Variants in MEI4 observed in about 807,000 individuals in gnomAD.
The protein encoded by MEI4 is meiotic double-stranded break formation protein 4.
In MEI4, 27 loss-of-function variants were observed where a neutral mutation model predicts 31.4. The ratio of observed to expected loss-of-function variants is 0.86; its 90% confidence interval spans 0.63 to 1.19. The LOEUF is 1.19. Among genes scored for constraint, MEI4 ranks in the 50% most tolerant of loss-of-function variants. MEI4 has a pLI of 0.00. For synonymous variants in MEI4, 122 were observed against 145.4 expected, an observed-to-expected ratio of 0.84 and a Z score of 1.16; for missense variants, 329 against 398.9, an observed-to-expected ratio of 0.82 and a Z score of 1.49.
intron 4 of MEI4, among the ~76,000 whole-genome samples, chr6:77,894,395 A>T (rs9443485): frequency 0.39 from 58,902 of 150,462 alleles, 12,494 homozygotes; most frequent in African/African-American, 0.58. Flanking sequence ...ATTTTTTTTT[A>T]AAAAAAAGAA....
chr6:77,749,485 T>C (rs1331296153), intron 2 of MEI4, among the ~76,000 whole-genome samples: 1 of 152,016 alleles, frequency 6.6e-6, no homozygotes, highest in African/African-American at 2.4e-5. Context: ...CAAGTATCAA[T>C]AGCTGAATCG....
chr6:77,861,796 A>G (rs183187961), intron 4 of MEI4, among the ~76,000 whole-genome samples: 15 of 152,316 alleles, frequency 9.8e-5, no homozygotes, highest in Admixed American at 7.8e-4. Flanking sequence ...GATGTAGTAC[A>G]TATGAAGTGC....
At chr6:77,735,986 C>G (rs1349952202) in intron 2 of MEI4, among the ~76,000 whole-genome samples, 1 of 152,054 alleles carries the variant, frequency 6.6e-6, no homozygotes, top group Non-Finnish European at 1.5e-5. Flanking sequence ...AGGCAGTCTG[C>G]CCGTTCTCAG....
chr6:77,798,533 G>A (rs1769147911), intron 3 of MEI4, among the ~76,000 whole-genome samples: 1 of 151,568 alleles, frequency 6.6e-6, no homozygotes, highest in Non-Finnish European at 1.5e-5. Context: ...GGGTACATGT[G>A]CACATTGTGA....
chr6:77,791,923 T>C (rs893820939), intron 3 of MEI4, among the ~76,000 whole-genome samples: 1 of 152,188 alleles, frequency 6.6e-6, no homozygotes, highest in Non-Finnish European at 1.5e-5. Context: ...TGATCATCCT[T>C]TGACCAACAC....
chr6:77,867,113 T>C (rs1020882853), intron 4 of MEI4, among the ~76,000 whole-genome samples: 1 of 152,092 alleles, frequency 6.6e-6, no homozygotes, highest in African/African-American at 2.4e-5. Flanking sequence ...CCTAAAACCA[T>C]AAAAACCCTA....
intron 4 of MEI4, among the ~76,000 whole-genome samples, chr6:77,870,497 C>G (rs1309477547): frequency 6.6e-6 from 1 of 152,156 alleles, no homozygotes; most frequent in Non-Finnish European, 1.5e-5. Flanking sequence ...CTGAATGTCA[C>G]TTTACTTTGT....
rs1384224934 is a variant in MEI4, at chr6:77,924,774, C to G, written c.*1428C>G. Reference sequence around the variant, plus strand: ...GAAATGTCACATTAGCACTTCCATCCACATGCATTGTCAAAGTACATCAAA... The same window carrying G: ...GAAATGTCACATTAGCACTTCCATCGACATGCATTGTCAAAGTACATCAAA... On this transcript the variant is annotated 3_prime_UTR_variant, in exon 5 of 5. Coordinates refer to ENST00000684080, the MANE Select transcript of MEI4 (RefSeq NM_001322247.2). 1 of 151,784 alleles carries G rather than the reference C, an allele frequency of 6.6e-6. No individual in the cohort carries two copies. The highest frequency in any genetic ancestry group is 1.5e-5 in the Non-Finnish European group (1 of 67,886). The allele number at this position is 151,784 out of a possible 1,614,324, so 9.4% of individuals were successfully genotyped here.
At chr6:77,881,618 C>T (rs1771492130) in intron 4 of MEI4, among the ~76,000 whole-genome samples, 1 of 152,026 alleles carries the variant, frequency 6.6e-6, no homozygotes, top group Non-Finnish European at 1.5e-5. Context: ...TTTGAATGTG[C>T]TCCTCATCTG....
rs962403728 is a variant in MEI4 at position 77,802,877 on chromosome 6, C to T, written c.769-26054C>T. ...GATGGGCTTCCTTTTGTGGTTAACC[C>T]GACCTTTCTCTCTGGCTGCCCTTAA... On this transcript the variant is annotated intron_variant, in intron 3 of 4. Transcript: ENST00000684080. Among the ~76,000 whole-genome samples the T allele has an allele frequency of 4.6e-5, 7 of 152,272 alleles. No individual in the cohort carries two copies. The South Asian group carries it at 6.2e-4, about 14-fold the overall frequency.
chr6:77,741,323 G>T (rs1424196113), intron 2 of MEI4, among the ~76,000 whole-genome samples: 1 of 152,192 alleles, frequency 6.6e-6, no homozygotes, highest in Non-Finnish European at 1.5e-5. Flanking sequence ...TGGGTAGCCT[G>T]TGGGAGATTT....
chr6:77,865,421 C>A (rs997673880), intron 4 of MEI4, among the ~76,000 whole-genome samples: 1 of 152,164 alleles, frequency 6.6e-6, no homozygotes, highest in Non-Finnish European at 1.5e-5. Context: ...CACAGAAATT[C>A]AAACTACCAT....
At chr6:77,693,636 T>C (rs3846759) in intron 2 of MEI4, among the ~76,000 whole-genome samples, 42,620 of 151,812 alleles carry the variant, frequency 0.28, 6,758 homozygotes, top group South Asian at 0.39. Context: ...TACCTTAAAC[T>C]TCAAAAATGA....
Position 77,742,909 on chromosome 6 carries a change from T to A in MEI4, c.233-18221T>A, listed in dbSNP as rs1285231927. Among the ~76,000 whole-genome samples the A allele has an allele frequency of 2.0e-5, 3 of 152,116 alleles. No homozygotes were observed. The South Asian group carries it at 6.2e-4, about 32-fold the overall frequency. On this transcript the variant is annotated intron_variant, in intron 2 of 4. Transcript: ENST00000684080. ...TCCCCATTGCTTGTTTTTCACAGGT[T>A]TGTCAAAGATTAGATAGTTGTAGAT...
chr6:77,750,026 A>C (rs1767727198), intron 2 of MEI4, among the ~76,000 whole-genome samples: 1 of 152,238 alleles, frequency 6.6e-6, no homozygotes, highest in Non-Finnish European at 1.5e-5. Flanking sequence ...ACTGAGCTTC[A>C]TAAGCGAAGG....
intron 4 of MEI4, among the ~76,000 whole-genome samples, chr6:77,876,826 A>G (rs1433675604): frequency 6.6e-6 from 1 of 152,208 alleles, no homozygotes; most frequent in Admixed American, 6.5e-5. Context: ...GCAAAGTACC[A>G]TAGTAACTCC....
rs71546073 is a variant in MEI4, at chr6:77,831,507, T to TTATA, written c.900+2460_900+2463dup. On this transcript the variant is annotated intron_variant, in intron 4 of 4. Coordinates refer to ENST00000684080, the MANE Select transcript of MEI4 (RefSeq NM_001322247.2). Reference sequence around the variant, plus strand: ...ACTAAATGAATGAATAAAGATAATTTTATATATATATATATATACCAAATA... The same window carrying TTATA: ...ACTAAATGAATGAATAAAGATAATTTTATATATATATATATATATATACCAAATA... 7.9e-3 allele frequency among the ~76,000 whole-genome samples: 1,169 copies of TTATA among 147,496 alleles called. 12 individuals are homozygous for TTATA. Among genetic ancestry groups the TTATA allele is most frequent in the African/African-American group, 0.025 (997 of 40,394 alleles).
intron 2 of MEI4, among the ~76,000 whole-genome samples, chr6:77,724,689 G>C (rs1266094866): frequency 9.4e-5 from 14 of 149,138 alleles, no homozygotes; most frequent in Non-Finnish European, 4.5e-5. Context: ...AGGTTGTAAT[G>C]TTACAGGCAC....
In MEI4 at chr6:77,761,625, C is replaced by A; in HGVS notation, c.728C>A (p.Thr243Asn). The change falls in exon 3 of 5, where the codon ACC becomes AAC. Residue 243 changes from threonine to asparagine, a missense_variant. Thr to Asn is a moderately conservative substitution (Grantham distance 65, BLOSUM62 0). Coordinates refer to ENST00000684080, the MANE Select transcript of MEI4 (RefSeq NM_001322247.2). ...CSKKLEEFEK[T>N]LLHAILGNNH... ...AAGAAGTTGGAAGAATTTGAGAAAA[C>A]CCTACTACATGCTATTTTAGGAAAC... 1 of 1,231,796 alleles carries A rather than the reference C, an allele frequency of 8.1e-7. No homozygotes were observed. The highest frequency in any genetic ancestry group is 1.0e-6 in the Non-Finnish European group (1 of 987,742). 76.3% of individuals were successfully genotyped at this position (1,231,796 alleles called of 1,614,324 possible).
Sources: gnomAD v4.1 joint callset for allele counts (sites outside exome capture counted in the v4.1 genomes callset) on GRCh38, gnomAD v4.1.1 for gene constraint, MANE v1.5 for transcripts, NCBI Gene and HGNC (gene_info 2026-07-23, HGNC 2026-07-21) for gene names.